Variants in AQP3 observed in about 807,000 individuals in gnomAD.
AQP3 encodes aquaporin 3 (Gill blood group).
AQP3 carries 15 observed loss-of-function variants against 30.3 expected under a neutral mutation model. That is an observed-to-expected ratio of 0.49 (90% confidence interval 0.33 to 0.76). The LOEUF is 0.76. Among genes scored for constraint, AQP3 ranks in the 30% least tolerant of loss-of-function variants. The pLI, the probability that AQP3 is intolerant of heterozygous loss-of-function variation, is 0.02. For missense variants in AQP3, 272 were observed against 384.8 expected (o/e 0.71, Z 2.45); for synonymous variants, 153 against 163.2 (o/e 0.94, Z 0.47).
chr9:33,444,500 T>C (rs1215218526), intron 1 of AQP3, among the ~76,000 whole-genome samples: 2 of 151,094 alleles, frequency 1.3e-5, no homozygotes, highest in Non-Finnish European at 2.9e-5. Context: ...CTCGGGAGGC[T>C]GAGGCAGGAG....
chr9:33,443,304 G>T lies in AQP3; in HGVS notation c.373+17C>A. 6.4e-7 allele frequency: 1 copy of T among 1,572,336 alleles called. No homozygotes were observed. The highest frequency in any genetic ancestry group is 8.6e-7 in the Non-Finnish European group (1 of 1,158,494). ...GGGACGGGGGTAGTGGAGGAGGACAGGGTGGGGAATGCTTACCATAATACA... is the reference window on the plus strand; with the variant it reads ...GGGACGGGGGTAGTGGAGGAGGACATGGTGGGGAATGCTTACCATAATACA... On this transcript the variant is annotated intron_variant, in intron 3 of 5. Transcript: ENST00000297991. This position sits in a 1 kb window ranked among gnomAD's most constrained non-coding sequence, Gnocchi z 5.0.
rs775614379 is a variant in AQP3, at chr9:33,443,309, G to A, written c.373+12C>T. 1.3e-6 allele frequency: 2 copies of A among 1,573,880 alleles called. No homozygotes were observed. The highest frequency in any genetic ancestry group is 2.3e-5 in the South Asian group (2 of 85,666). On this transcript the variant is annotated intron_variant, in intron 3 of 5. Transcript: ENST00000297991. The surrounding 1 kb of genome is among the most constrained non-coding windows in gnomAD (Gnocchi z 5.0). Reference sequence around the variant, plus strand: ...GGGGGTAGTGGAGGAGGACAGGGTGGGGAATGCTTACCATAATACAGCCCA... The same window carrying A: ...GGGGGTAGTGGAGGAGGACAGGGTGAGGAATGCTTACCATAATACAGCCCA...
At position 33,446,017 on chromosome 9, in the gene AQP3, TA is replaced by T. The variant is rs554629816; in HGVS notation, c.108+1405del. ...TGATCCTGGGGCTCAGTGGGAGGAC[TA>T]ACGGCTCCTTTGTGAGAGAGTGAAC... On this transcript the variant is annotated intron_variant, in intron 1 of 5. Coordinates refer to ENST00000297991, the MANE Select transcript of AQP3 (RefSeq NM_004925.5). Among the ~76,000 whole-genome samples the T allele has an allele frequency of 3.1e-4, 47 of 152,320 alleles. No homozygotes were observed. In the East Asian group the frequency reaches 7.9e-3, roughly 26 times the overall value.
Position 33,447,523 on chromosome 9 carries a change from C to T in AQP3, c.8G>A (p.Arg3Gln). The change falls in exon 1 of 6, where the codon CGA (arginine) becomes CAA (glutamine). Residue 3 changes from arginine to glutamine, a missense_variant. Arg to Gln is a conservative substitution (Grantham distance 43). Transcript: ENST00000297991. MGRQKELVSRCGE... is the reference protein window; with the variant it reads MGQQKELVSRCGE... ...GCAGCGGGACACCAGCTCCTTCTGT[C>T]GACCCATGGCGGGGCAGGCGGCGGC... 1 of 1,601,994 alleles carries T rather than the reference C, an allele frequency of 6.2e-7. No homozygotes were observed. Among genetic ancestry groups the T allele is most frequent in the South Asian group, 1.1e-5 (1 of 89,392 alleles).
chr9:33,442,332 C>T lies in AQP3; in HGVS notation c.679G>A (p.Ala227Thr), dbSNP rs1826848773. The T allele has an allele frequency of 1.2e-6, 2 of 1,613,000 alleles. No individual in the cohort carries two copies. The highest frequency in any genetic ancestry group is 2.7e-5 in the African/African-American group (2 of 75,034). The change falls in exon 5 of 6, where the codon GCC becomes ACC. Residue 227 changes from alanine (A) to threonine (T), a missense_variant. Physicochemically the swap from Ala to Thr is moderately conservative, Grantham distance 58. Coordinates refer to ENST00000297991, the MANE Select transcript of AQP3 (RefSeq NM_004925.5). ...ACTGCAGAGCCCCAGCCCGCAAGGG[C>T]TGTAAAAAGGCGGGGGCCAAAGTCC... is the stretch of plus-strand genomic sequence containing the variant. ...ARDFGPRLFT[A>T]LAGWGSAVFT...
rs1019831032 is a variant in AQP3 at position 33,443,565 on chromosome 9, T to G, written c.236-107A>C. ...AGGGGTTTCTTGCACAGGATGGCGG[T>G]TGGTCTATGTAACAGGTCAGCTGAT... On this transcript the variant is annotated intron_variant, in intron 2 of 5. Transcript: ENST00000297991. The surrounding 1 kb of genome is among the most constrained non-coding windows in gnomAD (Gnocchi z 5.0). 3 of 1,488,956 alleles carry G rather than the reference T, an allele frequency of 2.0e-6. No individual in the cohort carries two copies. The highest frequency in any genetic ancestry group is 2.0e-5 in the Admixed American group (1 of 50,778). The allele number at this position is 1,488,956 out of a possible 1,614,324, so 92.2% of individuals were successfully genotyped here.
intron 4 of AQP3, 147 bp from the exon 5 acceptor site, chr9:33,442,665 C>A: frequency 9.0e-7 from 1 of 1,105,794 alleles, no homozygotes; most frequent in Non-Finnish European, 1.4e-6. Context: ...AGAATGTCTG[C>A]GTGACAAGAA....
In AQP3 at chr9:33,443,376, C is replaced by G; in HGVS notation, c.318G>C (p.Leu106=). ...CCAAGAAGGCTCCCAGCGTCTGTGCCAGGGTGTAGATGGGCAGCTTGATCC... is the reference window on the plus strand; with the variant it reads ...CCAAGAAGGCTCCCAGCGTCTGTGCGAGGGTGTAGATGGGCAGCTTGATCC... ...EPWIKLPIYT[L]AQTLGAFLGA... The change falls in exon 3 of 6, where the codon CTG becomes CTC. Residue 106 remains leucine (L), a synonymous_variant. Coordinates refer to ENST00000297991, the MANE Select transcript of AQP3 (RefSeq NM_004925.5). The surrounding 1 kb of genome is among the most constrained non-coding windows in gnomAD (Gnocchi z 5.0). 1 of 1,602,220 alleles carries G rather than the reference C, an allele frequency of 6.2e-7. No individual in the cohort carries two copies. The highest frequency in any genetic ancestry group is 1.3e-5 in the African/African-American group (1 of 74,878).
chr9:33,441,419 C>G lies in AQP3; in HGVS notation c.*624G>C, dbSNP rs551750933. On this transcript the variant is annotated 3_prime_UTR_variant, in exon 6 of 6. Coordinates refer to ENST00000297991, the MANE Select transcript of AQP3 (RefSeq NM_004925.5). ...ACTGCTCCTACTTATGTATGTACATCCAGAGCTCCAAACCTAAGCTGTGGC... is the reference window on the plus strand; with the variant it reads ...ACTGCTCCTACTTATGTATGTACATGCAGAGCTCCAAACCTAAGCTGTGGC... 6.5e-6 allele frequency: 1 copy of G among 154,516 alleles called. No individual in the cohort carries two copies. The highest frequency in any genetic ancestry group is 1.9e-4 in the East Asian group (1 of 5,206). 9.6% of individuals were successfully genotyped at this position (154,516 alleles called of 1,614,324 possible).
Position 33,447,520 on chromosome 9 carries a change from T to G in AQP3, c.11A>C (p.Gln4Pro), listed in dbSNP as rs1481293569. The G allele has an allele frequency of 9.3e-6, 15 of 1,605,360 alleles. No homozygotes were observed. The highest frequency in any genetic ancestry group is 2.6e-6 in the Non-Finnish European group (3 of 1,176,190). Residue 4 changes from glutamine (Q) to proline (P), a missense_variant, in exon 1 of 6, where the codon CAG becomes CCG. Physicochemically the swap from Gln to Pro is moderately conservative, Grantham distance 76. Transcript: ENST00000297991. MGRQKELVSRCGEM... is the reference protein window; with the variant it reads MGRPKELVSRCGEM... ...CCCGCAGCGGGACACCAGCTCCTTCTGTCGACCCATGGCGGGGCAGGCGGC... is the reference window on the plus strand; with the variant it reads ...CCCGCAGCGGGACACCAGCTCCTTCGGTCGACCCATGGCGGGGCAGGCGGC...
Position 33,447,454 on chromosome 9 carries a change from A to G in AQP3, c.77T>C (p.Leu26Pro). Residue 26 changes from leucine to proline, a missense_variant, in exon 1 of 6, where the codon CTG becomes CCG. Around this residue, in one of 3 missense-constraint regions of AQP3, gnomAD observed 51 missense variants for 46.5 expected, o/e 1.10. Coordinates refer to ENST00000297991, the MANE Select transcript of AQP3 (RefSeq NM_004925.5). ...GATGAGGGTCCCCAGGCACTCGGCCAGCGCCTGTCGGAGCAGCCGGTAGCG... is the reference window on the plus strand; with the variant it reads ...GATGAGGGTCCCCAGGCACTCGGCCGGCGCCTGTCGGAGCAGCCGGTAGCG... Reference protein sequence around the residue: ...HIRYRLLRQALAECLGTLILV... With the variant: ...HIRYRLLRQAPAECLGTLILV... 6.2e-7 allele frequency: 1 copy of G among 1,607,850 alleles called. No homozygotes were observed. The highest frequency in any genetic ancestry group is 8.5e-7 in the Non-Finnish European group (1 of 1,177,832).
intron 1 of AQP3, among the ~76,000 whole-genome samples, chr9:33,446,017 T>C (rs960713859): frequency 6.6e-5 from 10 of 152,202 alleles, no homozygotes; most frequent in African/African-American, 2.2e-4. Flanking sequence ...GTGGGAGGAC[T>C]AACGGCTCCT....
chr9:33,444,001 G>T, intron 1 of AQP3, 109 bp from the exon 2 acceptor site: 1 of 1,419,158 alleles, frequency 7.0e-7, no homozygotes, highest in South Asian at 1.4e-5. Context: ...GAGGACTAGA[G>T]GCGCTTCCTG....
At position 33,442,158 on chromosome 9, in the gene AQP3, A is replaced by T. The variant is rs190275678; in HGVS notation, c.764T>A (p.Ile255Asn). Reference sequence around the variant, plus strand: ...CAGCTGGTACACGAAGACACCCGCAATGGAGCCCAGGAGTGGGGACACGAT... The same window carrying T: ...CAGCTGGTACACGAAGACACCCGCATTGGAGCCCAGGAGTGGGGACACGAT... ...VPIVSPLLGSIAGVFVYQLMI... is the reference protein window; with the variant it reads ...VPIVSPLLGSNAGVFVYQLMI... Residue 255 changes from isoleucine to asparagine, a missense_variant, in exon 6 of 6, where the codon ATT becomes AAT. Physicochemically the swap from Ile to Asn is moderately radical, Grantham distance 149 (BLOSUM62 -3). This residue lies in a region of AQP3 where 51 missense variants were observed against 51.8 expected (regional missense o/e 0.98). Coordinates refer to ENST00000297991, the MANE Select transcript of AQP3 (RefSeq NM_004925.5). The T allele has an allele frequency of 6.2e-7, 1 of 1,613,440 alleles. No homozygotes were observed. The highest frequency in any genetic ancestry group is 2.2e-5 in the East Asian group (1 of 44,870).
Sources: gnomAD v4.1 joint callset for allele counts (sites outside exome capture counted in the v4.1 genomes callset) on GRCh38, gnomAD v4.1.1 for gene constraint, gnomAD v4.1.1 regional missense constraint, Gnocchi (gnomAD v3.1) non-coding constraint, MANE v1.5 for transcripts, NCBI Gene and HGNC (gene_info 2026-07-23, HGNC 2026-07-21) for gene names.